The following KAT2B variants were observed in gnomAD, a reference collection of about 807,000 sequenced individuals.
KAT2B encodes the protein lysine acetyltransferase 2B, also known as histone acetyltransferase KAT2B.
KAT2B carries 36 observed loss-of-function variants against 105.9 expected under a neutral mutation model. The observed-to-expected ratio is 0.34, with a 90% CI of 0.26 to 0.45. The LOEUF (loss-of-function observed/expected upper bound fraction) is 0.45. KAT2B is among the 20% of genes least tolerant of loss of function. KAT2B has a pLI of 1.00. For missense variants in KAT2B, 820 were observed against 1,021.6 expected (o/e 0.80, Z 2.69); for synonymous variants, 397 against 377.9 (o/e 1.05, Z -0.59).
At chr3:20,118,379 T>C (rs1699245540) in intron 7 of KAT2B, among the ~76,000 whole-genome samples, 1 of 148,556 alleles carries the variant, frequency 6.7e-6, no homozygotes, top group Non-Finnish European at 1.5e-5. Context: ...TATATGTATA[T>C]ATAAAACTTA....
rs115001055 is a variant in KAT2B at position 20,128,637 on chromosome 3, A to G, written c.1749+1088A>G. 1.7e-3 allele frequency among the ~76,000 whole-genome samples: 264 copies of G among 152,268 alleles called. 1 individual carries two copies. Among genetic ancestry groups the G allele is most frequent in the African/African-American group, 5.9e-3 (244 of 41,556 alleles). On this transcript the variant is annotated intron_variant, in intron 11 of 17. Transcript: ENST00000263754. ...TAAACCAGACTCTGAATTGACAGAA[A>G]GAGCTCTCATCTATACCTTGTCCTG... is the stretch of plus-strand genomic sequence containing the variant.
chr3:20,047,085 T>C (rs1382978404), intron 1 of KAT2B, among the ~76,000 whole-genome samples: 2 of 151,920 alleles, frequency 1.3e-5, no homozygotes, highest in East Asian at 1.9e-4. Flanking sequence ...CCCCCCCTTT[T>C]TTTTTTCTGA....
chr3:20,112,147 T>G (rs995875039), intron 6 of KAT2B, among the ~76,000 whole-genome samples: 1 of 150,794 alleles, frequency 6.6e-6, no homozygotes, highest in Admixed American at 6.6e-5. Context: ...TCAGAAATGG[T>G]GCAAAAGAGC....
Position 20,126,111 on chromosome 3 carries a change from C to T in KAT2B, c.1620C>T (p.Asp540=). ...AATACATCACACGGCTCGTCTTTGACCCGTAAGTGGTACTTTCTGTTCCTT... is the reference window on the plus strand; with the variant it reads ...AATACATCACACGGCTCGTCTTTGATCCGTAAGTGGTACTTTCTGTTCCTT... The part of the protein sequence containing the change: ...PKEYITRLVF[D]PKHKTLALIK... Residue 540 remains aspartate, a splice_region_variant and synonymous_variant, in exon 10 of 18, where the codon GAC becomes GAT. Coordinates refer to ENST00000263754, the MANE Select transcript of KAT2B (RefSeq NM_003884.5). 2 of 1,591,040 alleles carry T rather than the reference C, an allele frequency of 1.3e-6. No individual in the cohort carries two copies. Among genetic ancestry groups the T allele is most frequent in the South Asian group, 1.1e-5 (1 of 88,996 alleles).
intron 11 of KAT2B, among the ~76,000 whole-genome samples, chr3:20,135,027 G>C (rs1355394646): frequency 6.6e-6 from 1 of 152,106 alleles, no homozygotes; most frequent in Non-Finnish European, 1.5e-5. Context: ...AGCCACATGA[G>C]GCTAGTGTCT....
At chr3:20,141,252 G>T (rs763859890) in intron 13 of KAT2B, among the ~76,000 whole-genome samples, 10 of 152,120 alleles carry the variant, frequency 6.6e-5, no homozygotes, top group Non-Finnish European at 1.0e-4. Context: ...TAGGTATTAA[G>T]TGATTTGTTA....
At chr3:20,054,769 A>G (rs562586487) in intron 1 of KAT2B, among the ~76,000 whole-genome samples, 2 of 152,322 alleles carry the variant, frequency 1.3e-5, no homozygotes, top group Admixed American at 6.5e-5. Flanking sequence ...AAAGATGCCA[A>G]GGTCAGCATA....
chr3:20,046,322 C>T (rs1038118179), intron 1 of KAT2B, among the ~76,000 whole-genome samples: 2 of 152,182 alleles, frequency 1.3e-5, no homozygotes, highest in Admixed American at 1.3e-4. Context: ...TGGCTTGTGC[C>T]TGTAATCCCA....
intron 1 of KAT2B, 108 bp from the exon 2 acceptor site, chr3:20,072,225 G>T (rs1429385831): frequency 1.7e-6 from 2 of 1,146,192 alleles, no homozygotes; most frequent in Admixed American, 3.6e-5. Context: ...CAAAGTCAGG[G>T]GTGAGGGGAT....
intron 4 of KAT2B, 33 bp downstream of exon 4, chr3:20,099,987 GC>G (rs1484729866): frequency 1.2e-5 from 13 of 1,104,152 alleles, no homozygotes; most frequent in Non-Finnish European, 1.8e-5. Flanking sequence ...CTTTTTATTG[GC>G]TCAAGGCTGA....
At chr3:20,123,998 A>G (rs920311045) in intron 9 of KAT2B, among the ~76,000 whole-genome samples, 2 of 152,096 alleles carry the variant, frequency 1.3e-5, no homozygotes, top group Non-Finnish European at 1.5e-5. Context: ...TACAGTGTTA[A>G]TTTTCAATTT....
chr3:20,059,889 A>G (rs1698070222), intron 1 of KAT2B, among the ~76,000 whole-genome samples: 1 of 152,032 alleles, frequency 6.6e-6, no homozygotes, highest in Admixed American at 6.6e-5. Flanking sequence ...TTTACAGTTA[A>G]CCCTGTTCCT....
chr3:20,134,116 C>A (rs942035002), intron 11 of KAT2B, among the ~76,000 whole-genome samples: 1 of 152,114 alleles, frequency 6.6e-6, no homozygotes, highest in African/African-American at 2.4e-5. Flanking sequence ...AAGTATTCTA[C>A]TTAATAATCA....
chr3:20,062,124 A>ATAATATATAT (rs1698128356), intron 1 of KAT2B, among the ~76,000 whole-genome samples: 4 of 92,014 alleles, frequency 4.3e-5, no homozygotes, highest in East Asian at 3.6e-4. Context: ...TATAAAACAT[A>ATAATATATAT]TATATATAAA....
intron 1 of KAT2B, among the ~76,000 whole-genome samples, chr3:20,056,381 A>G (rs914973662): frequency 1.3e-5 from 2 of 152,206 alleles, no homozygotes; most frequent in Admixed American, 6.5e-5. Flanking sequence ...AGAGAATACC[A>G]TAGGAGAAGC....
intron 3 of KAT2B, among the ~76,000 whole-genome samples, chr3:20,096,381 A>G (rs1698811729): frequency 6.6e-6 from 1 of 152,154 alleles, no homozygotes; most frequent in Non-Finnish European, 1.5e-5. Flanking sequence ...CGATGTGGGA[A>G]GGAAACTGGT....
At chr3:20,135,672 A>G (rs78131327) in intron 11 of KAT2B, among the ~76,000 whole-genome samples, 8,133 of 151,412 alleles carry the variant, frequency 0.054, 495 homozygotes, top group South Asian at 0.32. Flanking sequence ...AAAAATAAAA[A>G]CCAAAGTGAT....
intron 7 of KAT2B, among the ~76,000 whole-genome samples, chr3:20,116,757 C>T (rs1226581208): frequency 6.6e-6 from 1 of 152,098 alleles, no homozygotes; most frequent in Admixed American, 6.6e-5. Context: ...TAAGCCTTTT[C>T]ACAAACCCTG....
chr3:20,123,037 A>G lies in KAT2B; in HGVS notation c.1413+233A>G, dbSNP rs532133428. 3.8e-6 allele frequency: 3 copies of G among 789,270 alleles called. No homozygotes were observed. In the East Asian group the frequency reaches 3.8e-4, roughly 100 times the overall value. The allele number at this position is 789,270 out of a possible 1,614,324, so 48.9% of individuals were successfully genotyped here. ...TACTAATAATCTCACAGTTGAAGGC[A>G]TCATTCCCAGCTTTTTATCTTGAAA... On this transcript the variant is annotated intron_variant, in intron 9 of 17. Coordinates refer to ENST00000263754, the MANE Select transcript of KAT2B (RefSeq NM_003884.5).
Sources: allele counts gnomAD v4.1 joint callset (sites outside exome capture counted in the v4.1 genomes callset), GRCh38; gene constraint gnomAD v4.1.1; transcripts MANE v1.5; gene names NCBI Gene and HGNC (gene_info 2026-07-23, HGNC 2026-07-21).